ZNF385D: variants seen among roughly 807,000 people sequenced by gnomAD.
ZNF385D encodes zinc finger protein 385D.
Under a neutral mutation model 35.8 loss-of-function variants are expected in ZNF385D, and 15 were observed. The observed-to-expected ratio is 0.42, with a 90% CI of 0.28 to 0.64. The LOEUF is 0.64. Among genes scored for constraint, ZNF385D ranks in the 30% least tolerant of loss-of-function variants. The pLI, the probability that ZNF385D is intolerant of heterozygous loss-of-function variation, is 0.23. For synonymous variants in ZNF385D, 212 were observed against 186.8 expected, an observed-to-expected ratio of 1.13 and a Z score of -1.10; for missense variants, 474 against 494.6, an observed-to-expected ratio of 0.96 and a Z score of 0.39.
Position 21,842,547 on chromosome 3 carries a change from G to A in ZNF385D, c.326-177519C>T, listed in dbSNP as rs116525254. On this transcript the variant is annotated intron_variant, in intron 3 of 5. Coordinates refer to the ZNF385D transcript ENST00000494108. ...CTCTAGGGCCATCACAGATACTCAT[G>A]GCAATGCTTTTAAATATTAACCCTG... 7.9e-3 allele frequency among the ~76,000 whole-genome samples: 1,196 copies of A among 152,112 alleles called. 15 individuals are homozygous for A. The highest frequency in any genetic ancestry group is 0.028 in the African/African-American group (1,149 of 41,526).
At chr3:21,884,243 ATGT>A (rs1698422289) in intron 3 of ZNF385D, among the ~76,000 whole-genome samples, 1 of 152,040 alleles carries the variant, frequency 6.6e-6, no homozygotes, top group African/African-American at 2.4e-5. Flanking sequence ...TCAACCCAGA[ATGT>A]TGTTAAACTG....
At chr3:22,091,637 G>T (rs1701336702) in intron 3 of ZNF385D, among the ~76,000 whole-genome samples, 1 of 152,034 alleles carries the variant, frequency 6.6e-6, no homozygotes, top group Admixed American at 6.6e-5. Flanking sequence ...GACATAAATG[G>T]AAACAGCTTC....
chr3:22,132,037 A>C (rs1703827989), intron 3 of ZNF385D, among the ~76,000 whole-genome samples: 1 of 152,172 alleles, frequency 6.6e-6, no homozygotes, highest in South Asian at 2.1e-4. Context: ...TAGAGTTGAC[A>C]TTTTGTTCAT....
intron 3 of ZNF385D, among the ~76,000 whole-genome samples, chr3:22,022,227 G>A (rs966311676): frequency 1.3e-5 from 2 of 152,048 alleles, no homozygotes; most frequent in African/African-American, 2.4e-5. Context: ...ATAAAATTAA[G>A]TTAACTGGCA....
At chr3:22,242,169 T>C (rs1699535162) in intron 2 of ZNF385D, among the ~76,000 whole-genome samples, 1 of 150,804 alleles carries the variant, frequency 6.6e-6, no homozygotes, top group African/African-American at 2.5e-5. Context: ...GGCACCTGTA[T>C]ACATATGTAA....
At chr3:21,666,265 C>G (rs886164325) in intron 1 of ZNF385D, among the ~76,000 whole-genome samples, 14 of 152,140 alleles carry the variant, frequency 9.2e-5, no homozygotes, top group Admixed American at 5.2e-4. Context: ...TATGGAGCCA[C>G]GGAGGATCTG....
At chr3:21,977,645 G>A (rs111687813) in intron 3 of ZNF385D, among the ~76,000 whole-genome samples, 3 of 151,774 alleles carry the variant, frequency 2.0e-5, no homozygotes, top group East Asian at 1.9e-4. Context: ...ACATGAAAAC[G>A]CCATCTCTAA....
At position 22,061,828 on chromosome 3, in the gene ZNF385D, A is replaced by T. The variant is rs562360129; in HGVS notation, c.325+106989T>A. Among the ~76,000 whole-genome samples, 5 of 152,196 alleles carry T rather than the reference A, an allele frequency of 3.3e-5. No individual in the cohort carries two copies. In the East Asian group the frequency reaches 9.7e-4, roughly 29 times the overall value. The stretch of plus-strand genomic sequence containing the variant: ...CATAGCGCTCATCACAATCTGGATT[A>T]CCTTTCTTTACACATCTAGTTATTT... On this transcript the variant is annotated intron_variant, in intron 3 of 5. Transcript: ENST00000494108.
chr3:21,762,987 T>C (rs2070685207), intron 3 of ZNF385D, among the ~76,000 whole-genome samples: 1 of 152,140 alleles, frequency 6.6e-6, no homozygotes, highest in African/African-American at 2.4e-5. Flanking sequence ...CTAATCTCCA[T>C]CAGTGTCTGT....
chr3:22,040,474 C>A (rs115439074), intron 3 of ZNF385D, among the ~76,000 whole-genome samples: 13 of 152,194 alleles, frequency 8.5e-5, no homozygotes, highest in African/African-American at 2.6e-4. Flanking sequence ...AGGCTACAGT[C>A]CTGATGGGTG....
intron 4 of ZNF385D, among the ~76,000 whole-genome samples, chr3:21,488,946 C>T (rs147557860): frequency 6.6e-6 from 1 of 152,064 alleles, no homozygotes; most frequent in Non-Finnish European, 1.5e-5. Flanking sequence ...CCATTGTTGC[C>T]GCTAGAGTCA....
chr3:21,660,130 C>A (rs919027414), intron 2 of ZNF385D, among the ~76,000 whole-genome samples: 3 of 151,868 alleles, frequency 2.0e-5, no homozygotes, highest in Non-Finnish European at 2.9e-5. Flanking sequence ...TCTTTATCCC[C>A]CTCTCTTCCC....
intron 3 of ZNF385D, among the ~76,000 whole-genome samples, chr3:21,954,545 G>A (rs1469121828): frequency 6.6e-6 from 1 of 151,920 alleles, no homozygotes; most frequent in Non-Finnish European, 1.5e-5. Context: ...GGGACCCCTA[G>A]GCCAAAAGAA....
chr3:22,188,200 G>C (rs1279397012), intron 2 of ZNF385D, among the ~76,000 whole-genome samples: 1 of 152,128 alleles, frequency 6.6e-6, no homozygotes, highest in African/African-American at 2.4e-5. Flanking sequence ...CAAAGACAAA[G>C]CATTAGATTT....
At chr3:22,072,422 T>G (rs189923266) in intron 3 of ZNF385D, among the ~76,000 whole-genome samples, 1 of 152,084 alleles carries the variant, frequency 6.6e-6, no homozygotes, top group African/African-American at 2.4e-5. Context: ...TCAAGCAGAA[T>G]GAAGCACTCT....
Position 22,145,811 on chromosome 3 carries a change from A to G in ZNF385D, c.325+23006T>C, listed in dbSNP as rs1704814150. Among the ~76,000 whole-genome samples the G allele has an allele frequency of 2.0e-5, 3 of 152,186 alleles. No homozygotes were observed. The South Asian group carries it at 6.2e-4, about 32-fold the overall frequency. On this transcript the variant is annotated intron_variant, in intron 3 of 5. Transcript: ENST00000494108. ...AGTGGAGGCCAGTGGTTTCCCCATC[A>G]AAGAGCTCTGTGTCTTAGCCACTGA...
chr3:21,966,136 T>C (rs2125329580), intron 3 of ZNF385D, among the ~76,000 whole-genome samples: 1 of 152,264 alleles, frequency 6.6e-6, no homozygotes, highest in Admixed American at 6.5e-5. Flanking sequence ...TTTTTGTAGG[T>C]TCTCCATACT....
intron 3 of ZNF385D, among the ~76,000 whole-genome samples, chr3:21,870,029 C>A (rs1313671626): frequency 6.6e-6 from 1 of 151,852 alleles, no homozygotes; most frequent in Non-Finnish European, 1.5e-5. Context: ...ACAACTTTCT[C>A]AAATCTGCAA....
intron 3 of ZNF385D, among the ~76,000 whole-genome samples, chr3:22,064,574 G>A (rs887163958): frequency 1.3e-5 from 2 of 152,178 alleles, no homozygotes; most frequent in Middle Eastern, 3.4e-3. Context: ...AAGAAAATGG[G>A]GTACATATCC....
Sources: allele counts gnomAD v4.1 joint callset (sites outside exome capture counted in the v4.1 genomes callset), GRCh38; gene constraint gnomAD v4.1.1; transcripts MANE v1.5; gene names NCBI Gene and HGNC (gene_info 2026-07-23, HGNC 2026-07-21).